Variants in TEX36 observed in about 807,000 individuals in gnomAD.
TEX36 encodes the protein testis-expressed protein 36.
A neutral mutation model predicts 13.6 loss-of-function variants in TEX36; 12 were observed. The ratio of observed to expected loss-of-function variants is 0.88; its 90% CI spans 0.56 to 1.43. TEX36 has a LOEUF of 1.43. TEX36 is among the 40% of genes most tolerant of loss of function. The pLI is 0.00. For missense variants in TEX36, 224 were observed against 228.3 expected (o/e 0.98, Z 0.12); for synonymous variants, 93 against 83.0 (o/e 1.12, Z -0.65).
Position 125,609,939 on chromosome 10 carries a change from G to A in TEX36, c.265-33065C>T, listed in dbSNP as rs903642329. On this transcript the variant is annotated intron_variant, in intron 3 of 3. Coordinates refer to the TEX36 transcript ENST00000532135. ...TAAAACAGGACGCAGTCAAGAGGCT[G>A]GACAAAACCTGCCAAAACCAAGATG... 3.3e-5 allele frequency among the ~76,000 whole-genome samples: 5 copies of A among 152,160 alleles called. No homozygotes were observed. In the South Asian group the frequency reaches 8.3e-4, roughly 25 times the overall value.
At chr10:125,592,776 G>T (rs1293603670) in intron 3 of TEX36, among the ~76,000 whole-genome samples, 1 of 152,112 alleles carries the variant, frequency 6.6e-6, no homozygotes, top group Admixed American at 6.6e-5. Flanking sequence ...CCTCACATTT[G>T]ATTACTTTGT....
chr10:125,661,217 CAA>C (rs1430670168), intron 2 of TEX36, 116 bp from the exon 3 acceptor site: 1 of 786,854 alleles, frequency 1.3e-6, no homozygotes, highest in Non-Finnish European at 2.2e-6. Flanking sequence ...CTAAGAAAGA[CAA>C]TGAAACCTGG....
chr10:125,625,813 G>T (rs1565177528), intron 3 of TEX36, among the ~76,000 whole-genome samples: 1 of 152,242 alleles, frequency 6.6e-6, no homozygotes, highest in Non-Finnish European at 1.5e-5. Flanking sequence ...AATACTTTCT[G>T]TGTATCTACC....
chr10:125,611,684 G>A (rs1297285773), intron 3 of TEX36, among the ~76,000 whole-genome samples: 3 of 151,516 alleles, frequency 2.0e-5, no homozygotes, highest in Non-Finnish European at 4.4e-5. Flanking sequence ...TTTGCATATG[G>A]TGTTTTTTTT....
chr10:125,624,495 T>C (rs1846463112), intron 3 of TEX36, among the ~76,000 whole-genome samples: 1 of 152,116 alleles, frequency 6.6e-6, no homozygotes. Flanking sequence ...CAGAGGGTCC[T>C]GAGGAAGAGT....
At chr10:125,598,991 T>C (rs1589747997) in intron 3 of TEX36, among the ~76,000 whole-genome samples, 1 of 152,196 alleles carries the variant, frequency 6.6e-6, no homozygotes, top group East Asian at 1.9e-4. Context: ...CTCTGGAATC[T>C]CATCTTTCTT....
intron 3 of TEX36, among the ~76,000 whole-genome samples, chr10:125,605,160 C>T (rs867714421): frequency 3.3e-5 from 5 of 152,298 alleles, no homozygotes; most frequent in Admixed American, 6.5e-5. Flanking sequence ...AGGCACAGCA[C>T]GCAGGGCAGC....
At chr10:125,617,687 T>C (rs1051370912), downstream of TEX36, among the ~76,000 whole-genome samples, 8 of 151,922 alleles carry the variant, frequency 5.3e-5, no homozygotes, top group Admixed American at 2.0e-4. Context: ...CCTTTGAGGG[T>C]AACCTGACCT....
chr10:125,681,883 A>C (rs1847400173), intron 1 of TEX36, among the ~76,000 whole-genome samples: 2 of 152,238 alleles, frequency 1.3e-5, no homozygotes, highest in Admixed American at 1.3e-4. Context: ...ACAGACAAAG[A>C]AACTGAGACT....
chr10:125,672,757 T>C lies in TEX36; in HGVS notation c.51+10182A>G, dbSNP rs560269630. On this transcript the variant is annotated intron_variant, in intron 1 of 3. Transcript: ENST00000368821. ...AGTCTCCCACTATTATTGTGGGGAG[T>C]CTAAGTCTCTTTGTAGTTCTCTAAG... Among the ~76,000 whole-genome samples the C allele has an allele frequency of 4.6e-5, 7 of 152,204 alleles. No homozygotes were observed. The South Asian group carries it at 1.5e-3, about 32-fold the overall frequency.
Position 125,610,531 on chromosome 10 carries a change from A to G in TEX36, c.265-33657T>C, listed in dbSNP as rs1024148884. On this transcript the variant is annotated intron_variant, in intron 3 of 3. Transcript: ENST00000532135. ...AGATCTCCTGGCGATGCCCATGCAT[A>G]TTGAAGTTGAAGAAGCTCGGTTTCA... Among the ~76,000 whole-genome samples the G allele has an allele frequency of 3.6e-5, 5 of 140,528 alleles. 1 individual carries two copies. Among genetic ancestry groups the G allele is most frequent in the African/African-American group, 1.6e-4 (5 of 30,724 alleles). The allele number at this position is 140,528 out of a possible 152,430, so 92.2% of individuals were successfully genotyped here. A position where few individuals can be genotyped will look rare whatever the true frequency, so the allele number is the denominator to read the frequency against.
chr10:125,654,831 G>A (rs1288138056), downstream of TEX36, among the ~76,000 whole-genome samples: 1 of 152,128 alleles, frequency 6.6e-6, no homozygotes, highest in East Asian at 1.9e-4. Flanking sequence ...AGTTCAATTG[G>A]TCCAGTCTTT....
At chr10:125,667,766 A>T in intron 1 of TEX36, 1 of 859,496 alleles carries the variant, frequency 1.2e-6, no homozygotes, top group Non-Finnish European at 1.9e-6. Context: ...TGTCAGCAGC[A>T]GCTGACAGTA....
Position 125,656,504 on chromosome 10 carries a change from C to T in TEX36, c.265-308G>A, listed in dbSNP as rs149208707. Among the ~76,000 whole-genome samples, 216 of 151,974 alleles carry T rather than the reference C, an allele frequency of 1.4e-3. 5 individuals are homozygous for T. In the East Asian group the frequency reaches 0.032, roughly 22 times the overall value. ...AACTCCTAAGCTCAGGCAATCTGCC[C>T]GCCTCAGCCTCCCAAAGCGCTAGGA... On this transcript the variant is annotated intron_variant, in intron 3 of 3. Transcript: ENST00000368821.
At chr10:125,679,144 C>G (rs1008561095) in intron 1 of TEX36, among the ~76,000 whole-genome samples, 1 of 139,380 alleles carries the variant, frequency 7.2e-6, no homozygotes, top group South Asian at 2.4e-4. Flanking sequence ...GAGCACCCCC[C>G]CCGCCCCCGC....
At chr10:125,669,307 A>AAAAT (rs907977170) in intron 1 of TEX36, among the ~76,000 whole-genome samples, 18 of 151,254 alleles carry the variant, frequency 1.2e-4, no homozygotes, top group Non-Finnish European at 8.8e-5. Flanking sequence ...ATAAATAAAT[A>AAAAT]AAATAAATAA....
At chr10:125,627,814 C>T (rs778093039) in intron 3 of TEX36, among the ~76,000 whole-genome samples, 22 of 152,186 alleles carry the variant, frequency 1.4e-4, no homozygotes, top group Non-Finnish European at 1.3e-4. Flanking sequence ...GAGCTGCAGA[C>T]GCCAGCACAG....
At chr10:125,600,066 G>T (rs1284091798) in intron 3 of TEX36, among the ~76,000 whole-genome samples, 1 of 152,194 alleles carries the variant, frequency 6.6e-6, no homozygotes, top group Non-Finnish European at 1.5e-5. Context: ...ACTGGGCCTG[G>T]ATCCAATTTA....
intron 3 of TEX36, among the ~76,000 whole-genome samples, chr10:125,582,601 A>G (rs1845896366): frequency 6.6e-6 from 1 of 152,194 alleles, no homozygotes; most frequent in Admixed American, 6.5e-5. Flanking sequence ...TAGCTGCTTA[A>G]AAGTTTAGTT....
Sources: allele counts gnomAD v4.1 joint callset (sites outside exome capture counted in the v4.1 genomes callset), GRCh38; gene constraint gnomAD v4.1.1; transcripts MANE v1.5; gene names NCBI Gene and HGNC (gene_info 2026-07-23, HGNC 2026-07-21).